RORC: variants seen among roughly 807,000 people sequenced by gnomAD.
The protein encoded by RORC is nuclear receptor ROR-gamma.
In RORC, 13 loss-of-function variants were observed where a neutral mutation model predicts 64.5. The observed-to-expected ratio is 0.20, with a 90% CI of 0.13 to 0.32. RORC has a LOEUF of 0.32. RORC is among the 10% of genes least tolerant of loss of function. The pLI, the probability that RORC is intolerant of heterozygous loss-of-function variation, is 1.00. For missense variants in RORC, 468 were observed against 669.5 expected, an observed-to-expected ratio of 0.70 and a Z score of 3.32; for synonymous variants, 277 against 259.3, an observed-to-expected ratio of 1.07 and a Z score of -0.65.
chr1:151,820,425 C>T (rs1054005599), intron 2 of RORC, among the ~76,000 whole-genome samples: 2 of 152,170 alleles, frequency 1.3e-5, no homozygotes, highest in Admixed American at 6.5e-5. Context: ...AAACTGTTGC[C>T]CTGGAGCCAG....
At chr1:151,822,556 T>C (rs985325032) in intron 2 of RORC, among the ~76,000 whole-genome samples, 1 of 152,200 alleles carries the variant, frequency 6.6e-6, no homozygotes, top group African/African-American at 2.4e-5. Context: ...AGTCTGGGAC[T>C]GGAGAAAGGC....
At position 151,828,872 on chromosome 1, in the gene RORC, G is replaced by A. The variant is rs376907367; in HGVS notation, c.70+557C>T. 7.0e-4 allele frequency among the ~76,000 whole-genome samples: 106 copies of A among 152,126 alleles called. 1 individual carries two copies. The highest frequency in any genetic ancestry group is 2.9e-3 in the Admixed American group (44 of 15,284). On this transcript the variant is annotated intron_variant, in intron 2 of 10. Coordinates refer to ENST00000318247, the MANE Select transcript of RORC (RefSeq NM_005060.4). The stretch of plus-strand genomic sequence containing the variant: ...TGGGTGCCTGTAGTCCCAGCTACTC[G>A]AGAGGCTGAGGCAGGAGAATCGCTT...
rs1651669283 is a variant in RORC, at chr1:151,814,511, C to A, written c.933+63G>T. On this transcript the variant is annotated intron_variant, in intron 6 of 10. Transcript: ENST00000318247. ...CAGGACCCAGTCGTGCGCAGGTAGCCATCTCTGAACTCTCCCGGTGGGGGT... is the reference window on the plus strand; with the variant it reads ...CAGGACCCAGTCGTGCGCAGGTAGCAATCTCTGAACTCTCCCGGTGGGGGT... 5.2e-6 allele frequency: 8 copies of A among 1,545,562 alleles called. No individual in the cohort carries two copies. The Admixed American group carries it at 1.1e-4, about 21-fold the overall frequency.
intron 2 of RORC, among the ~76,000 whole-genome samples, chr1:151,822,652 A>T (rs1440048598): frequency 6.6e-6 from 1 of 152,114 alleles, no homozygotes; most frequent in Non-Finnish European, 1.5e-5. Context: ...CACCATCAGC[A>T]CCTTCCCTGC....
chr1:151,814,494 A>G, intron 6 of RORC, 80 bp downstream of exon 6: 1 of 1,470,188 alleles, frequency 6.8e-7, no homozygotes, highest in African/African-American at 1.4e-5. Context: ...CCCAGGACCC[A>G]GTCGTGCGCA....
chr1:151,826,615 A>G (rs1403614674), intron 2 of RORC, among the ~76,000 whole-genome samples: 1 of 152,184 alleles, frequency 6.6e-6, no homozygotes, highest in Non-Finnish European at 1.5e-5. Context: ...AATACATGGA[A>G]ATGATAGAAG....
chr1:151,819,703 C>T (rs948304490), intron 2 of RORC, among the ~76,000 whole-genome samples: 2 of 152,168 alleles, frequency 1.3e-5, no homozygotes, highest in African/African-American at 4.8e-5. Flanking sequence ...AGACACATCT[C>T]CCTGCCCCAT....
chr1:151,829,350 C>A lies in RORC; in HGVS notation c.70+79G>T, dbSNP rs374652884. On this transcript the variant is annotated intron_variant, in intron 2 of 10. Coordinates refer to ENST00000318247, the MANE Select transcript of RORC (RefSeq NM_005060.4). ...TCCTCCACCTCTGTCCAACCTCAGTCCCCCCACAGATCACTTGCTGAATTA... is the reference window on the plus strand; with the variant it reads ...TCCTCCACCTCTGTCCAACCTCAGTACCCCCACAGATCACTTGCTGAATTA... 4.4e-6 allele frequency: 6 copies of A among 1,361,164 alleles called. No homozygotes were observed. In the African/African-American group the frequency reaches 4.6e-5, roughly 10 times the overall value. 84.3% of individuals were successfully genotyped at this position (1,361,164 alleles called of 1,614,324 possible).
intron 2 of RORC, among the ~76,000 whole-genome samples, chr1:151,828,689 G>C (rs558159554): frequency 6.6e-6 from 1 of 152,172 alleles, no homozygotes; most frequent in Non-Finnish European, 1.5e-5. Flanking sequence ...GGACCACAGA[G>C]CTTGGTGCAG....
At position 151,814,963 on chromosome 1, in the gene RORC, G is replaced by A. The variant is rs563185605; in HGVS notation, c.761C>T (p.Pro254Leu). Residue 254 changes from proline (P) to leucine (L), a missense_variant, in exon 5 of 11, where the codon CCC becomes CTC. Pro to Leu is a moderately conservative substitution (Grantham distance 98, BLOSUM62 -3). Coordinates refer to ENST00000318247, the MANE Select transcript of RORC (RefSeq NM_005060.4). ...LGQGPDSYGS[P>L]SFRSTPEAPY... ...TGCCTCCGGTGTGCTGCGGAAACTGGGGCTGCCGTAGCTGTCTGGGCCCTG... is the reference window on the plus strand; with the variant it reads ...TGCCTCCGGTGTGCTGCGGAAACTGAGGCTGCCGTAGCTGTCTGGGCCCTG... 1 of 1,614,128 alleles carries A rather than the reference G, an allele frequency of 6.2e-7. No homozygotes were observed. The highest frequency in any genetic ancestry group is 1.7e-5 in the Admixed American group (1 of 60,016).
intron 2 of RORC, among the ~76,000 whole-genome samples, chr1:151,818,455 A>G (rs4845592): frequency 1 from 152,180 of 152,318 alleles, 76,022 homozygotes; most frequent in Non-Finnish European, 1. Flanking sequence ...GCTGGCCCTA[A>G]GCTCATCTCT....
Position 151,807,416 on chromosome 1 carries a change from G to T in RORC, c.*56C>A. On this transcript the variant is annotated 3_prime_UTR_variant, in exon 11 of 11. Transcript: ENST00000318247. The surrounding 1 kb of genome is among the most constrained non-coding windows in gnomAD (Gnocchi z 5.0). Reference sequence around the variant, plus strand: ...AGGAAAAGGGTGAGGGTGGAACGGGGTCCAGGGAGGTGGGCCAGCAGGCCA... The same window carrying T: ...AGGAAAAGGGTGAGGGTGGAACGGGTTCCAGGGAGGTGGGCCAGCAGGCCA... 2.5e-6 allele frequency: 4 copies of T among 1,572,744 alleles called. No homozygotes were observed. Among genetic ancestry groups the T allele is most frequent in the Non-Finnish European group, 3.5e-6 (4 of 1,147,504 alleles).
Position 151,814,907 on chromosome 1 carries a change from G to C in RORC, c.811+6C>G, listed in dbSNP as rs1438902171. 6.2e-7 allele frequency: 1 copy of C among 1,609,476 alleles called. No individual in the cohort carries two copies. The highest frequency in any genetic ancestry group is 8.5e-7 in the Non-Finnish European group (1 of 1,176,896). The stretch of plus-strand genomic sequence containing the variant: ...TACCACCCTCTCCACCTCCCCAGCT[G>C]CTCACCTATCTCTGTCAGGGAGGCA... On this transcript the variant is annotated splice_donor_region_variant and intron_variant, in intron 5 of 10. Transcript: ENST00000318247.
In RORC at chr1:151,829,408, T is replaced by C. The variant is rs1652321996; in HGVS notation, c.70+21A>G. ...TCTCATTATGCCCCAGCCATTTTCT[T>C]GCCCCGGACCCCCTACTCACAGGTG... On this transcript the variant is annotated intron_variant, in intron 2 of 10. Transcript: ENST00000318247. The C allele has an allele frequency of 5.2e-6, 8 of 1,537,422 alleles. No homozygotes were observed. In the Admixed American group the frequency reaches 1.8e-4, roughly 35 times the overall value.
chr1:151,813,725 T>G, intron 6 of RORC, 105 bp from the exon 7 acceptor site: 2 of 1,273,326 alleles, frequency 1.6e-6, no homozygotes, highest in Non-Finnish European at 2.2e-6. Flanking sequence ...GGCTCTGAAC[T>G]CCTATGTTCT....
rs1553293049 is a variant in RORC at position 151,830,621 on chromosome 1, T to TACACAC, written c.40+1098_40+1103dup. 0.028 allele frequency among the ~76,000 whole-genome samples: 1,585 copies of TACACAC among 57,156 alleles called. 57 individuals carry two copies. Among genetic ancestry groups the TACACAC allele is most frequent in the African/African-American group, 0.057 (1,334 of 23,610 alleles). 37.5% of individuals were successfully genotyped at this position (57,156 alleles called of 152,430 possible). A position where few individuals can be genotyped will look rare whatever the true frequency, so the allele number is the denominator to read the frequency against. ...TGCTGTTCAGTCTTGACACCTGACATACACACACACACACACACACACACA... is the reference window on the plus strand; with the variant it reads ...TGCTGTTCAGTCTTGACACCTGACATACACACACACACACACACACACACACACACA... On this transcript the variant is annotated intron_variant, in intron 1 of 10. Transcript: ENST00000318247. This position sits in a 1 kb window ranked among gnomAD's most constrained non-coding sequence, Gnocchi z 4.0.
In RORC at chr1:151,829,833, A is replaced by C. The variant is rs536585021; in HGVS notation, c.41-375T>G. ...CCTTCCCCTGCCCTTGTGCTGACAC[A>C]TTTAGCTCCTTGCATTTTATTTCCT... On this transcript the variant is annotated intron_variant, in intron 1 of 10. Coordinates refer to ENST00000318247, the MANE Select transcript of RORC (RefSeq NM_005060.4). Among the ~76,000 whole-genome samples, 19 of 152,300 alleles carry C rather than the reference A, an allele frequency of 1.2e-4. No homozygotes were observed. In the South Asian group the frequency reaches 3.5e-3, roughly 28 times the overall value.
intron 2 of RORC, among the ~76,000 whole-genome samples, chr1:151,825,626 C>G (rs899052233): frequency 6.6e-6 from 1 of 152,168 alleles, no homozygotes; most frequent in Non-Finnish European, 1.5e-5. Flanking sequence ...GCCAAGTACG[C>G]GGCCTCCTTG....
At chr1:151,817,043 C>T (rs1651783676) in intron 3 of RORC, 152 bp downstream of exon 3, 3 of 742,396 alleles carry the variant, frequency 4.0e-6, no homozygotes, top group Non-Finnish European at 6.5e-6. Flanking sequence ...ATTTTCCTGG[C>T]TGCCCAGGAG....
Sources: gnomAD v4.1 joint callset for allele counts (sites outside exome capture counted in the v4.1 genomes callset) on GRCh38, gnomAD v4.1.1 for gene constraint, Gnocchi (gnomAD v3.1) non-coding constraint, MANE v1.5 for transcripts, NCBI Gene and HGNC (gene_info 2026-07-23, HGNC 2026-07-21) for gene names.